Variants in APLP1 observed in about 807,000 individuals in gnomAD.
APLP1 encodes amyloid beta (A4) precursor-like protein 1.
Under a neutral mutation model 84.5 loss-of-function variants are expected in APLP1, and 46 were observed. The ratio of observed to expected loss-of-function variants is 0.54; its 90% confidence interval spans 0.43 to 0.70. The LOEUF is 0.70. Among genes scored for constraint, APLP1 ranks in the 30% least tolerant of loss-of-function variants. The probability of loss-of-function intolerance (pLI) is 0.00; values close to 1 mark genes in which losing one functional copy is unlikely to be tolerated. For synonymous variants in APLP1, 376 were observed against 364.0 expected (o/e 1.03, Z -0.38); for missense variants, 826 against 900.2 (o/e 0.92, Z 1.05).
intron 10 of APLP1, 47 bp from the exon 11 acceptor site, chr19:35,876,470 T>C (rs778486703): frequency 7.9e-6 from 12 of 1,522,778 alleles, no homozygotes; most frequent in Non-Finnish European, 1.1e-5. Flanking sequence ...TTTCCTCATC[T>C]CCAGCCTGCA....
chr19:35,869,443 C>T, intron 1 of APLP1: 1 of 684,622 alleles, frequency 1.5e-6, no homozygotes, highest in Non-Finnish European at 2.5e-6. Flanking sequence ...GGCAACAAGG[C>T]AGAAAGAATC....
chr19:35,879,759 T>G lies in APLP1; in HGVS notation c.*318T>G. On this transcript the variant is annotated 3_prime_UTR_variant, in exon 17 of 17. Transcript: ENST00000221891. Reference sequence around the variant, plus strand: ...TGGAATTCACCCTCTCATGTTTCCCTACTAACATCCCAATAAAGTCCTCTT... The same window carrying G: ...TGGAATTCACCCTCTCATGTTTCCCGACTAACATCCCAATAAAGTCCTCTT... 3.1e-6 allele frequency: 1 copy of G among 318,930 alleles called. No individual in the cohort carries two copies. 19.8% of individuals were successfully genotyped at this position (318,930 alleles called of 1,614,324 possible). A position where few individuals can be genotyped will look rare whatever the true frequency, so the allele number is the denominator to read the frequency against.
Position 35,868,812 on chromosome 19 carries a change from G to A in APLP1, c.147+29G>A. 7.8e-7 allele frequency: 1 copy of A among 1,274,858 alleles called. No individual in the cohort carries two copies. The highest frequency in any genetic ancestry group is 9.9e-7 in the Non-Finnish European group (1 of 1,010,088). The allele number at this position is 1,274,858 out of a possible 1,614,324, so 79.0% of individuals were successfully genotyped here. A position where few individuals can be genotyped will look rare whatever the true frequency, so the allele number is the denominator to read the frequency against. ...AGGCCGGGCCGGGTCCTGGGGGATGGGGGAAGGGGCGGGACCGGGTCTCTG... is the reference window on the plus strand; with the variant it reads ...AGGCCGGGCCGGGTCCTGGGGGATGAGGGAAGGGGCGGGACCGGGTCTCTG... On this transcript the variant is annotated intron_variant, in intron 1 of 16. Coordinates refer to ENST00000221891, the MANE Select transcript of APLP1 (RefSeq NM_001024807.3). This position sits in a 1 kb window ranked among gnomAD's most constrained non-coding sequence, Gnocchi z 5.2.
chr19:35,868,642 G>T lies in APLP1; in HGVS notation c.6G>T (p.Gly2=). The change falls in exon 1 of 17, where the codon GGG becomes GGT. Residue 2 remains glycine (G), a synonymous_variant. Transcript: ENST00000221891. The surrounding 1 kb of genome is among the most constrained non-coding windows in gnomAD (Gnocchi z 5.2). M[G]PASPAARGLS... Reference sequence around the variant, plus strand: ...GAGGGCGCAAGGGCCGGGACATGGGGCCCGCCAGCCCCGCTGCTCGCGGTC... The same window carrying T: ...GAGGGCGCAAGGGCCGGGACATGGGTCCCGCCAGCCCCGCTGCTCGCGGTC... 7.4e-7 allele frequency: 1 copy of T among 1,358,890 alleles called. No homozygotes were observed. The highest frequency in any genetic ancestry group is 9.4e-7 in the Non-Finnish European group (1 of 1,060,130). 84.2% of individuals were successfully genotyped at this position (1,358,890 alleles called of 1,614,324 possible). A position where few individuals can be genotyped will look rare whatever the true frequency, so the allele number is the denominator to read the frequency against.
In APLP1 at chr19:35,874,555, C is replaced by T; in HGVS notation, c.1108C>T (p.Gln370Ter). The T allele has an allele frequency of 6.2e-7, 1 of 1,614,184 alleles. No homozygotes were observed. Among genetic ancestry groups the T allele is most frequent in the Non-Finnish European group, 8.5e-7 (1 of 1,180,032 alleles). Residue 370 changes from glutamine to a stop codon, truncating the protein, a stop_gained, in exon 9 of 17, where the codon CAG (glutamine) becomes TAG (stop). Coordinates refer to ENST00000221891, the MANE Select transcript of APLP1 (RefSeq NM_001024807.3). LOFTEE classifies it high-confidence loss of function. The surrounding 1 kb of genome is among the most constrained non-coding windows in gnomAD (Gnocchi z 6.4). ...GGAGGAGCAGGTGTCTGGTGAGCGA[C>T]AGCGCCTGGTGGAAACCCACGCCAC... The part of the protein sequence containing the change: ...TLEEQVSGER[Q>*]RLVETHATRV...
chr19:35,876,665 C>A (rs2146912786), intron 11 of APLP1, 49 bp downstream of exon 11: 3 of 1,456,450 alleles, frequency 2.1e-6, no homozygotes, highest in Non-Finnish European at 1.9e-6. Flanking sequence ...GAGGGCAGAT[C>A]TTGACTCCTA....
chr19:35,874,580 C>G lies in APLP1; in HGVS notation c.1133C>G (p.Thr378Ser). 6.2e-7 allele frequency: 1 copy of G among 1,614,200 alleles called. No individual in the cohort carries two copies. Among genetic ancestry groups the G allele is most frequent in the Non-Finnish European group, 8.5e-7 (1 of 1,180,054 alleles). ...ERQRLVETHA[T>S]RVIALINDQR... ...CAGCGCCTGGTGGAAACCCACGCCA[C>G]CCGCGTCATCGCCCTTATCAACGAC... Residue 378 changes from threonine (T) to serine (S), a missense_variant, in exon 9 of 17, where the codon ACC (threonine) becomes AGC (serine). Around this residue, in one of 3 missense-constraint regions of APLP1, gnomAD observed 433 missense variants for 496.5 expected, o/e 0.87. Coordinates refer to ENST00000221891, the MANE Select transcript of APLP1 (RefSeq NM_001024807.3). This position sits in a 1 kb window ranked among gnomAD's most constrained non-coding sequence, Gnocchi z 6.4.
chr19:35,879,285 C>CT, intron 16 of APLP1, 58 bp from the exon 17 acceptor site: 1 of 1,609,530 alleles, frequency 6.2e-7, no homozygotes. Flanking sequence ...GCCTGAGAGA[C>CT]TTGCGGGCAG....
At position 35,872,609 on chromosome 19, in the gene APLP1, A is replaced by C; in HGVS notation, c.977A>C (p.Asn326Thr). 1.2e-6 allele frequency: 2 copies of C among 1,612,792 alleles called. No homozygotes were observed. The highest frequency in any genetic ancestry group is 1.7e-6 in the Non-Finnish European group (2 of 1,179,196). Residue 326 changes from asparagine (N) to threonine (T), a missense_variant, in exon 7 of 17, where the codon AAT (asparagine) becomes ACT (threonine). Asn to Thr is a moderately conservative substitution (Grantham distance 65, BLOSUM62 0). Around this residue, in one of 3 missense-constraint regions of APLP1, gnomAD observed 433 missense variants for 496.5 expected, o/e 0.87. Coordinates refer to ENST00000221891, the MANE Select transcript of APLP1 (RefSeq NM_001024807.3). ...GAGGAGCGTAGGATGCGCCAGATTA[A>C]TGAGGTGATAATACTGGGGGCCCCA... ...DLEERRMRQINEVMREWAMAD... is the reference protein window; with the variant it reads ...DLEERRMRQITEVMREWAMAD...
At chr19:35,871,375 C>A in intron 4 of APLP1, 26 bp downstream of exon 4, 2 of 1,574,200 alleles carry the variant, frequency 1.3e-6, no homozygotes, top group East Asian at 2.3e-5. Context: ...CACCCGTCCC[C>A]AGCCCCCACA....
In APLP1 at chr19:35,873,683, G is replaced by A; in HGVS notation, c.1026G>A (p.Leu342=). 1 of 1,614,102 alleles carries A rather than the reference G, an allele frequency of 6.2e-7. No homozygotes were observed. The highest frequency in any genetic ancestry group is 8.5e-7 in the Non-Finnish European group (1 of 1,179,988). Residue 342 remains leucine (L), a synonymous_variant, in exon 8 of 17, where the codon CTG becomes CTA. Coordinates refer to ENST00000221891, the MANE Select transcript of APLP1 (RefSeq NM_001024807.3). ...WAMADNQSKN[L]PKADRQALNE... ...TGGCAGACAACCAGTCCAAGAACCT[G>A]CCTAAAGCCGACAGACAGGCCCTGA...
Position 35,879,554 on chromosome 19 carries a change from C to G in APLP1, c.*113C>G. 3 of 837,356 alleles carry G rather than the reference C, an allele frequency of 3.6e-6. No individual in the cohort carries two copies. Among genetic ancestry groups the G allele is most frequent in the Non-Finnish European group, 5.6e-6 (3 of 534,354 alleles). The allele number at this position is 837,356 out of a possible 1,614,324, so 51.9% of individuals were successfully genotyped here. Reference sequence around the variant, plus strand: ...GAGTCTTGAAGTGATCATTTCACACCCTTTTGTGAGACGGCTGGAAATTCT... The same window carrying G: ...GAGTCTTGAAGTGATCATTTCACACGCTTTTGTGAGACGGCTGGAAATTCT... On this transcript the variant is annotated 3_prime_UTR_variant, in exon 17 of 17. Coordinates refer to ENST00000221891, the MANE Select transcript of APLP1 (RefSeq NM_001024807.3).
rs1165944433 is a variant in APLP1 at position 35,871,909 on chromosome 19, G to C, written c.723G>C (p.Glu241Asp). Residue 241 changes from glutamate (E) to aspartate (D), a missense_variant, in exon 6 of 17, where the codon GAG (glutamate) becomes GAC (aspartate). Around this residue, in one of 3 missense-constraint regions of APLP1, gnomAD observed 383 missense variants for 378.3 expected, o/e 1.01. Coordinates refer to ENST00000221891, the MANE Select transcript of APLP1 (RefSeq NM_001024807.3). ...CGGGGAGCAGAGTAGAGGGGGCTGA[G>C]GACGAGGAAGAGGAGGAATCCTTCC... Reference protein sequence around the residue: ...WPPGSRVEGAEDEEEEESFPQ... With the variant: ...WPPGSRVEGADDEEEEESFPQ... 5 of 1,614,060 alleles carry C rather than the reference G, an allele frequency of 3.1e-6. No individual in the cohort carries two copies. The highest frequency in any genetic ancestry group is 4.2e-6 in the Non-Finnish European group (5 of 1,180,034).
At position 35,874,489 on chromosome 19, in the gene APLP1, C is replaced by G; in HGVS notation, c.1057-15C>G. ...ATCTTCTCCTCTCCTGACCCTGTGC[C>G]CACCCGCTCCCCAGCACTTCCAGTC... is the stretch of plus-strand genomic sequence containing the variant. On this transcript the variant is annotated splice_polypyrimidine_tract_variant and intron_variant, in intron 8 of 16. Coordinates refer to ENST00000221891, the MANE Select transcript of APLP1 (RefSeq NM_001024807.3). This position sits in a 1 kb window ranked among gnomAD's most constrained non-coding sequence, Gnocchi z 6.4. 1.2e-6 allele frequency: 2 copies of G among 1,613,544 alleles called. No homozygotes were observed. Among genetic ancestry groups the G allele is most frequent in the Non-Finnish European group, 1.7e-6 (2 of 1,179,552 alleles).
In APLP1 at chr19:35,873,658, T is replaced by C. The variant is rs547379775; in HGVS notation, c.1001T>C (p.Met334Thr). 3.7e-5 allele frequency: 59 copies of C among 1,614,140 alleles called. No homozygotes were observed. The highest frequency in any genetic ancestry group is 3.2e-4 in the African/African-American group (24 of 75,056). The change falls in exon 8 of 17, where the codon ATG becomes ACG. Residue 334 changes from methionine to threonine, a missense_variant. This residue lies in a region of APLP1 where 433 missense variants were observed against 496.5 expected (regional missense o/e 0.87). Coordinates refer to ENST00000221891, the MANE Select transcript of APLP1 (RefSeq NM_001024807.3). ...ATGCAGGTGATGCGTGAATGGGCCA[T>C]GGCAGACAACCAGTCCAAGAACCTG... is the stretch of plus-strand genomic sequence containing the variant. ...QINEVMREWA[M>T]ADNQSKNLPK...
chr19:35,869,026 T>C (rs1974069745), intron 1 of APLP1: 1 of 355,910 alleles, frequency 2.8e-6, no homozygotes, highest in Non-Finnish European at 5.0e-6. Flanking sequence ...GTCCCAGAAG[T>C]CCAGCCCCCT....
Position 35,869,785 on chromosome 19 carries a change from A to C in APLP1, c.266A>C (p.Gln89Pro). 1.2e-6 allele frequency: 2 copies of C among 1,602,720 alleles called. No homozygotes were observed. The highest frequency in any genetic ancestry group is 1.7e-6 in the Non-Finnish European group (2 of 1,175,786). Residue 89 changes from glutamine to proline, a missense_variant, in exon 2 of 17, where the codon CAG becomes CCG. Physicochemically the swap from Gln to Pro is moderately conservative, Grantham distance 76. This residue lies in a region of APLP1 where 383 missense variants were observed against 378.3 expected (regional missense o/e 1.01). Coordinates refer to ENST00000221891, the MANE Select transcript of APLP1 (RefSeq NM_001024807.3). ...QRSRRCLRDP[Q>P]RVLEYCRQMY... Reference sequence around the variant, plus strand: ...TCTCGACGCTGTCTCCGGGACCCGCAGCGCGTGCTGGAGTACTGCAGACAG... The same window carrying C: ...TCTCGACGCTGTCTCCGGGACCCGCCGCGCGTGCTGGAGTACTGCAGACAG...
chr19:35,872,408 A>AG lies in APLP1; in HGVS notation c.851-75_851-74insG, dbSNP rs1181149670. 7 of 1,560,140 alleles carry AG rather than the reference A, an allele frequency of 4.5e-6. No homozygotes were observed. In the African/African-American group the frequency reaches 9.5e-5, roughly 21 times the overall value. Reference sequence around the variant, plus strand: ...ATGATGGTCTCCAGTGCACTCTAGGAAATGTGGTTCTCTAGGTAGAAAAGG... The same window carrying AG: ...ATGATGGTCTCCAGTGCACTCTAGGAGAATGTGGTTCTCTAGGTAGAAAAGG... On this transcript the variant is annotated intron_variant, in intron 6 of 16. Coordinates refer to ENST00000221891, the MANE Select transcript of APLP1 (RefSeq NM_001024807.3).
rs748747202 is a variant in APLP1, at chr19:35,874,609, C to A, written c.1162C>A (p.Arg388Ser). 8 of 1,613,946 alleles carry A rather than the reference C, an allele frequency of 5.0e-6. No individual in the cohort carries two copies. Among genetic ancestry groups the A allele is most frequent in the Non-Finnish European group, 6.8e-6 (8 of 1,180,030 alleles). Residue 388 changes from arginine (R) to serine (S), a missense_variant, in exon 9 of 17, where the codon CGC (arginine) becomes AGC (serine). Arg to Ser is a moderately radical substitution (Grantham distance 110, BLOSUM62 -1). This residue lies in a region of APLP1 where 433 missense variants were observed against 496.5 expected (regional missense o/e 0.87). Transcript: ENST00000221891. This position sits in a 1 kb window ranked among gnomAD's most constrained non-coding sequence, Gnocchi z 6.4. ...CGTCATCGCCCTTATCAACGACCAG[C>A]GCCGGGCTGCCTTGGAGGGCTTCCT... ...TRVIALINDQRRAALEGFLAA... is the reference protein window; with the variant it reads ...TRVIALINDQSRAALEGFLAA...
Sources: allele counts gnomAD v4.1 joint callset, GRCh38; gene constraint gnomAD v4.1.1; regional missense constraint gnomAD v4.1.1; non-coding constraint Gnocchi (gnomAD v3.1); transcripts MANE v1.5; gene names NCBI Gene and HGNC (gene_info 2026-07-23, HGNC 2026-07-21).